GALNT2: variants seen among roughly 807,000 people sequenced by gnomAD.
GALNT2 encodes UDP-GalNAc:polypeptide N-acetylgalactosaminyltransferase 2.
GALNT2 carries 31 observed loss-of-function variants against 81.4 expected under a neutral mutation model. That is an observed-to-expected ratio of 0.38 (90% CI 0.29 to 0.51). The LOEUF (loss-of-function observed/expected upper bound fraction) is 0.51, where lower values mean the gene tolerates loss of function less well. Ranked by LOEUF, GALNT2 falls within the 20% of genes least tolerant of loss-of-function variation. The pLI, the probability that GALNT2 is intolerant of heterozygous loss-of-function variation, is 0.87. For synonymous variants in GALNT2, 303 were observed against 287.4 expected, an observed-to-expected ratio of 1.05 and a Z score of -0.55; for missense variants, 629 against 765.7, an observed-to-expected ratio of 0.82 and a Z score of 2.11.
chr1:230,117,117 AT>A lies in GALNT2; in HGVS notation c.126+49712del, dbSNP rs1660870306. 7.2e-5 allele frequency among the ~76,000 whole-genome samples: 11 copies of A among 152,316 alleles called. No homozygotes were observed. The South Asian group carries it at 2.3e-3, about 32-fold the overall frequency. ...ACTTGCTGCTTCACCTTGCACGTTT[AT>A]GGTATGGAGGTGGCTTCTTCCCTTA... On this transcript the variant is annotated intron_variant, in intron 1 of 15. Coordinates refer to ENST00000366672, the MANE Select transcript of GALNT2 (RefSeq NM_004481.5).
At chr1:230,278,927 T>C (rs1202176123) in intron 15 of GALNT2, among the ~76,000 whole-genome samples, 1 of 151,904 alleles carries the variant, frequency 6.6e-6, no homozygotes, top group Non-Finnish European at 1.5e-5. Context: ...CTTCTTGGGG[T>C]GAACCATCAC....
At chr1:230,118,734 A>G (rs1317575754) in intron 1 of GALNT2, among the ~76,000 whole-genome samples, 1 of 61,074 alleles carries the variant, frequency 1.6e-5, no homozygotes, top group East Asian at 4.0e-4. Context: ...CGGTGGGAGC[A>G]TCGTCCGGCC....
At chr1:230,171,659 A>G (rs1476706770) in intron 1 of GALNT2, among the ~76,000 whole-genome samples, 2 of 152,228 alleles carry the variant, frequency 1.3e-5, no homozygotes, top group Non-Finnish European at 2.9e-5. Flanking sequence ...TCCGTTAACA[A>G]ATATGATGTT....
chr1:230,085,246 A>G (rs1659865261), intron 1 of GALNT2, among the ~76,000 whole-genome samples: 1 of 152,156 alleles, frequency 6.6e-6, no homozygotes, highest in East Asian at 1.9e-4. Flanking sequence ...ACACACCTGA[A>G]TGTGTGTTTG....
intron 2 of GALNT2, among the ~76,000 whole-genome samples, chr1:230,185,795 A>G (rs965047235): frequency 3.3e-5 from 5 of 152,126 alleles, no homozygotes; most frequent in African/African-American, 1.2e-4. Flanking sequence ...AACTCACACA[A>G]ATATAGCTGC....
At chr1:230,060,003 C>T (rs183193663) in intron 1 of GALNT2, among the ~76,000 whole-genome samples, 120 of 152,222 alleles carry the variant, frequency 7.9e-4, no homozygotes, top group African/African-American at 2.7e-3. Context: ...TGCTATAGTC[C>T]GTAGTCCTGT....
intron 1 of GALNT2, among the ~76,000 whole-genome samples, chr1:230,097,719 A>G (rs372458145): frequency 1.3e-5 from 2 of 152,190 alleles, no homozygotes; most frequent in South Asian, 4.1e-4. Flanking sequence ...TGTTCCTCAC[A>G]TTTTAACATT....
intron 2 of GALNT2, among the ~76,000 whole-genome samples, chr1:230,200,453 T>C (rs1394557251): frequency 1.3e-5 from 2 of 152,114 alleles, no homozygotes; most frequent in African/African-American, 4.8e-5. Context: ...GTGCTTATTC[T>C]CCCTGCAGGA....
At chr1:230,096,117 C>T (rs956380611) in intron 1 of GALNT2, among the ~76,000 whole-genome samples, 9 of 152,152 alleles carry the variant, frequency 5.9e-5, no homozygotes, top group East Asian at 1.9e-4. Context: ...CTAACCCAGC[C>T]GGGCCAGGCT....
chr1:230,130,035 G>A (rs1661317525), intron 1 of GALNT2, among the ~76,000 whole-genome samples: 1 of 152,224 alleles, frequency 6.6e-6, no homozygotes, highest in South Asian at 2.1e-4. Context: ...GTTCTTACTT[G>A]TAGAACGTGG....
At chr1:230,266,310 A>G (rs1666035815) in intron 14 of GALNT2, among the ~76,000 whole-genome samples, 1 of 152,092 alleles carries the variant, frequency 6.6e-6, no homozygotes, top group African/African-American at 2.4e-5. Flanking sequence ...GATTCTAAAA[A>G]CAGTTTTCCC....
At chr1:230,088,892 G>A (rs1659976301) in intron 1 of GALNT2, among the ~76,000 whole-genome samples, 1 of 152,042 alleles carries the variant, frequency 6.6e-6, no homozygotes, top group African/African-American at 2.4e-5. Flanking sequence ...TGCCCATTAA[G>A]CAGTTGTTCC....
In GALNT2 at chr1:230,068,117, C is replaced by T. The variant is rs182607329; in HGVS notation, c.126+711C>T. Among the ~76,000 whole-genome samples the T allele has an allele frequency of 2.5e-4, 38 of 152,372 alleles. No individual in the cohort carries two copies. The East Asian group carries it at 6.9e-3, about 28-fold the overall frequency. On this transcript the variant is annotated intron_variant, in intron 1 of 15. Transcript: ENST00000366672. ...CGCGAGCCGGACGTGGCCTCCTGCG[C>T]TTGCATTTTCCATCCCCACTCCCCG...
intron 1 of GALNT2, among the ~76,000 whole-genome samples, chr1:230,130,903 C>T (rs943262992): frequency 6.6e-6 from 1 of 152,120 alleles, no homozygotes; most frequent in Non-Finnish European, 1.5e-5. Context: ...GGCCCACACC[C>T]GTGACTGCCC....
chr1:230,218,034 G>C lies in GALNT2; in HGVS notation c.374+14744G>C, dbSNP rs569696221. Among the ~76,000 whole-genome samples the C allele has an allele frequency of 3.3e-3, 507 of 152,256 alleles. 2 individuals carry two copies. The highest frequency in any genetic ancestry group is 0.012 in the African/African-American group (488 of 41,538). On this transcript the variant is annotated intron_variant, in intron 3 of 15. Coordinates refer to ENST00000366672, the MANE Select transcript of GALNT2 (RefSeq NM_004481.5). Reference sequence around the variant, plus strand: ...CTCTAAAGGGTCAGTTTTTTAAAAGGTTGCTGTGATAAGACCAGGTTTACT... The same window carrying C: ...CTCTAAAGGGTCAGTTTTTTAAAAGCTTGCTGTGATAAGACCAGGTTTACT...
chr1:230,250,343 T>A, intron 9 of GALNT2, 114 bp from the exon 10 acceptor site: 1 of 756,896 alleles, frequency 1.3e-6, no homozygotes, highest in Admixed American at 2.0e-5. Flanking sequence ...GTGGCTGTTC[T>A]GAAGATCAGC....
chr1:230,247,891 C>T (rs1377578710), intron 8 of GALNT2, among the ~76,000 whole-genome samples: 2 of 152,128 alleles, frequency 1.3e-5, no homozygotes, highest in African/African-American at 4.8e-5. Flanking sequence ...ATCAAAAAAA[C>T]AAAGGAAAGG....
At position 230,109,207 on chromosome 1, in the gene GALNT2, T is replaced by A. The variant is rs575273915; in HGVS notation, c.126+41801T>A. On this transcript the variant is annotated intron_variant, in intron 1 of 15. Transcript: ENST00000366672. Reference sequence around the variant, plus strand: ...TGGGAGCTGCGGCTGCGGACCCCCGTAGATGGGATGCAGCTGCCCAGTGTG... The same window carrying A: ...TGGGAGCTGCGGCTGCGGACCCCCGAAGATGGGATGCAGCTGCCCAGTGTG... 1.1e-4 allele frequency among the ~76,000 whole-genome samples: 17 copies of A among 152,252 alleles called. No homozygotes were observed. The East Asian group carries it at 3.3e-3, about 29-fold the overall frequency.
At chr1:230,160,875 T>G (rs1050259505) in intron 1 of GALNT2, among the ~76,000 whole-genome samples, 11 of 152,328 alleles carry the variant, frequency 7.2e-5, no homozygotes, top group Non-Finnish European at 1.5e-4. Context: ...GGGTTTTTTT[T>G]GGTACAAACT....
Sources: allele counts gnomAD v4.1 joint callset (sites outside exome capture counted in the v4.1 genomes callset), GRCh38; gene constraint gnomAD v4.1.1; transcripts MANE v1.5; gene names NCBI Gene and HGNC (gene_info 2026-07-23, HGNC 2026-07-21).